The following MGAM variants were observed in gnomAD, a reference collection of about 807,000 sequenced individuals.
MGAM encodes the protein maltase-glucoamylase, also known as alpha-1,4-glucosidase.
In MGAM, 253 loss-of-function variants were observed where a neutral mutation model predicts 358.8. That is an observed-to-expected ratio of 0.71 (90% confidence interval 0.64 to 0.78). The LOEUF is 0.78. Ranked by LOEUF, MGAM falls within the 30% of genes least tolerant of loss-of-function variation. MGAM has a pLI of 0.00. For synonymous variants in MGAM, 1,105 were observed against 1,227.1 expected (o/e 0.90, Z 2.08); for missense variants, 3,080 against 3,432.6 (o/e 0.90, Z 2.57).
At chr7:141,996,573 T>C (rs1388905990) in intron 1 of MGAM, among the ~76,000 whole-genome samples, 2 of 152,122 alleles carry the variant, frequency 1.3e-5, no homozygotes, top group Admixed American at 6.6e-5. Context: ...ATTCTGGAAA[T>C]GAAGTGAGAG....
chr7:142,045,288 A>G (rs1810033412), intron 21 of MGAM, among the ~76,000 whole-genome samples: 1 of 98,082 alleles, frequency 1.0e-5, no homozygotes, highest in South Asian at 2.9e-4. Flanking sequence ...ATAATATATG[A>G]TATATAATAT....
chr7:141,997,606 C>G (rs1204129376), intron 1 of MGAM, among the ~76,000 whole-genome samples: 5 of 152,132 alleles, frequency 3.3e-5, no homozygotes, highest in African/African-American at 1.2e-4. Context: ...TAAGCCTTTG[C>G]ACACCCTGTT....
intron 53 of MGAM, among the ~76,000 whole-genome samples, chr7:142,084,044 A>C (rs1334100266): frequency 6.8e-6 from 1 of 146,200 alleles, no homozygotes; most frequent in Non-Finnish European, 1.5e-5. Context: ...TACCTACTGC[A>C]CATCACTGAT....
rs7781962 is a variant in MGAM, at chr7:142,094,785, A to G, written c.7380A>G (p.Glu2460=). Reference sequence around the variant, plus strand: ...TCTGTGGGTTCTTTCAAGATGCTGAATATGAGATGTGTGTTCGCTGGATGC... The same window carrying G: ...TCTGTGGGTTCTTTCAAGATGCTGAGTATGAGATGTGTGTTCGCTGGATGC... ...ADICGFFQDA[E]YEMCVRWMQL... The change falls in exon 63 of 71, where the codon GAA becomes GAG. Residue 2460 remains glutamate (E), a synonymous_variant. Coordinates refer to ENST00000475668, the MANE Select transcript of MGAM (RefSeq NM_001365693.1). The G allele has an allele frequency of 2.5e-3, 3,958 of 1,611,432 alleles. 110 individuals carry two copies. The African/African-American group carries it at 0.046, about 19-fold the overall frequency.
In MGAM at chr7:142,070,845, C is replaced by T. The variant is rs940700361; in HGVS notation, c.5062-149C>T. 36 of 1,103,152 alleles carry T rather than the reference C, an allele frequency of 3.3e-5. 3 individuals carry two copies. The South Asian group carries it at 4.3e-4, about 13-fold the overall frequency. 68.3% of individuals were successfully genotyped at this position (1,103,152 alleles called of 1,614,324 possible). A position where few individuals can be genotyped will look rare whatever the true frequency, so the allele number is the denominator to read the frequency against. On this transcript the variant is annotated intron_variant, in intron 43 of 70. Transcript: ENST00000475668. ...TTGCGAGGTTTTATGCAGCACTGTGCGAATGCAGAATGGGTAATAGCAGGT... is the reference window on the plus strand; with the variant it reads ...TTGCGAGGTTTTATGCAGCACTGTGTGAATGCAGAATGGGTAATAGCAGGT...
chr7:142,046,321 T>A (rs1367414324), intron 21 of MGAM, among the ~76,000 whole-genome samples: 2 of 151,792 alleles, frequency 1.3e-5, no homozygotes, highest in Non-Finnish European at 2.9e-5. Flanking sequence ...TTGTTGACTT[T>A]CTTTCATGTT....
chr7:142,076,477 T>A (rs1353037285), intron 46 of MGAM, 182 bp from the exon 47 acceptor site: 1 of 859,270 alleles, frequency 1.2e-6, no homozygotes, highest in East Asian at 2.5e-5. Context: ...TTTTTATGAT[T>A]GTATCAAATT....
intron 30 of MGAM, 51 bp downstream of exon 30, chr7:142,056,993 T>A (rs1811617373): frequency 3.9e-6 from 6 of 1,556,254 alleles, no homozygotes; most frequent in South Asian, 3.4e-5. Context: ...ACATTCTGGG[T>A]GCCAGAGTCC....
At chr7:142,088,694 CT>C (rs1815006621) in intron 57 of MGAM, among the ~76,000 whole-genome samples, 10 of 141,512 alleles carry the variant, frequency 7.1e-5, no homozygotes, top group South Asian at 6.9e-4. Flanking sequence ...ATCTATCTAT[CT>C]ATCCATCCAG....
intron 2 of MGAM, among the ~76,000 whole-genome samples, chr7:141,989,150 G>A (rs1803829730): frequency 6.6e-6 from 1 of 151,766 alleles, no homozygotes; most frequent in African/African-American, 2.4e-5. Flanking sequence ...GAGAGAGAGA[G>A]AGAAAGAGAG....
intron 31 of MGAM, 70 bp downstream of exon 31, chr7:142,058,398 C>T: frequency 3.1e-6 from 5 of 1,599,204 alleles, no homozygotes; most frequent in Middle Eastern, 1.7e-4. Context: ...GTTCATTTGT[C>T]TAATGTTTGT....
At chr7:142,012,667 A>G (rs11764581) in intron 3 of MGAM, among the ~76,000 whole-genome samples, 16,245 of 152,240 alleles carry the variant, frequency 0.11, 1,051 homozygotes, top group East Asian at 0.21. Flanking sequence ...GTGATTTTGT[A>G]AGTCAGAGAT....
Position 142,078,387 on chromosome 7 carries a change from A to C in MGAM, c.5563A>C (p.Arg1855=), listed in dbSNP as rs1287521504. 6.5e-7 allele frequency: 1 copy of C among 1,527,790 alleles called. No homozygotes were observed. The highest frequency in any genetic ancestry group is 9.0e-7 in the Non-Finnish European group (1 of 1,116,482). The allele number at this position is 1,527,790 out of a possible 1,614,324, so 94.6% of individuals were successfully genotyped here. ...CACAGTGGAGTGGAGCATAAAGATAAGGGATGAAGAAAAAATAGACTGTTA... is the reference window on the plus strand; with the variant it reads ...CACAGTGGAGTGGAGCATAAAGATACGGGATGAAGAAAAAATAGACTGTTA... ...AYTVEWSIKI[R]DEEKIDCYPD... The change falls in exon 48 of 71, where the codon AGG becomes CGG. Residue 1855 remains arginine, a synonymous_variant. Coordinates refer to ENST00000475668, the MANE Select transcript of MGAM (RefSeq NM_001365693.1).
At chr7:142,086,146 G>A (rs1814731922) in intron 55 of MGAM, 72 bp from the exon 56 acceptor site, 7 of 1,439,368 alleles carry the variant, frequency 4.9e-6, no homozygotes, top group Middle Eastern at 1.7e-4. Flanking sequence ...CCCTGGAGGA[G>A]TTCTCCTTCA....
chr7:142,022,909 T>C (rs1328504159), intron 7 of MGAM, among the ~76,000 whole-genome samples: 1 of 152,240 alleles, frequency 6.6e-6, no homozygotes, highest in Non-Finnish European at 1.5e-5. Flanking sequence ...TCATTTTTTG[T>C]ATAAAGAATG....
rs1554452103 is a variant in MGAM at position 142,005,619 on chromosome 7, T to C, written c.89T>C (p.Leu30Pro). ...LLVLFIISIV[L>P]IVLLAKESLK... ...GTGTTGTTTATCATCAGTATTGTTC[T>C]AATTGTGCTTTTAGCCAAAGAGTCA... Residue 30 changes from leucine (L) to proline (P), a missense_variant, in exon 2 of 71, where the codon CTA becomes CCA. Physicochemically the swap from Leu to Pro is moderately conservative, Grantham distance 98 (BLOSUM62 -3). This residue lies in a region of MGAM where 1,816 missense variants were observed against 1,840.5 expected (regional missense o/e 0.99). Coordinates refer to ENST00000475668, the MANE Select transcript of MGAM (RefSeq NM_001365693.1). The C allele has an allele frequency of 1.3e-6, 2 of 1,598,086 alleles. No individual in the cohort carries two copies. Among genetic ancestry groups the C allele is most frequent in the Admixed American group, 1.7e-5 (1 of 57,608 alleles).
rs569207998 is a variant in MGAM at position 142,102,820 on chromosome 7, C to T, written c.8013+141C>T. 895 of 857,632 alleles carry T rather than the reference C, an allele frequency of 1.0e-3. 26 individuals are homozygous for T. In the South Asian group the frequency reaches 0.014, roughly 13 times the overall value. The allele number at this position is 857,632 out of a possible 1,614,324, so 53.1% of individuals were successfully genotyped here. On this transcript the variant is annotated intron_variant, in intron 69 of 70. Coordinates refer to ENST00000475668, the MANE Select transcript of MGAM (RefSeq NM_001365693.1). ...ACATTCTTCTACTTCTCTAGACTTC[C>T]GGTGGAAATTTACTATGCTCCCAGG...
At chr7:142,079,229 G>A (rs189780065) in intron 49 of MGAM, among the ~76,000 whole-genome samples, 2 of 145,938 alleles carry the variant, frequency 1.4e-5, no homozygotes, top group African/African-American at 4.9e-5. Context: ...GGTTGGGAGA[G>A]CAAGAGTGGG....
upstream of MGAM, among the ~76,000 whole-genome samples, chr7:141,992,981 G>A (rs1189066416): frequency 2.6e-5 from 4 of 152,154 alleles, no homozygotes; most frequent in Non-Finnish European, 2.9e-5. Context: ...AAAGAAACAC[G>A]GTAAGTCAGT....
Sources: allele counts gnomAD v4.1 joint callset (sites outside exome capture counted in the v4.1 genomes callset), GRCh38; gene constraint gnomAD v4.1.1; regional missense constraint gnomAD v4.1.1; transcripts MANE v1.5; gene names NCBI Gene and HGNC (gene_info 2026-07-23, HGNC 2026-07-21).